The following ELP3 variants were observed in gnomAD, a reference collection of about 807,000 sequenced individuals.
ELP3 encodes elongator acetyltransferase complex subunit 3.
ELP3 carries 56 observed loss-of-function variants against 74.9 expected under a neutral mutation model. The ratio of observed to expected loss-of-function variants is 0.75; its 90% CI spans 0.60 to 0.93. The LOEUF is 0.93. Among genes scored for constraint, ELP3 ranks in the 40% least tolerant of loss-of-function variants. The pLI is 0.00. For synonymous variants in ELP3, 222 were observed against 239.8 expected (o/e 0.93, Z 0.68); for missense variants, 573 against 686.5 (o/e 0.83, Z 1.85).
At position 28,129,568 on chromosome 8, in the gene ELP3, GA is replaced by G. The variant is rs764649021; in HGVS notation, c.686del (p.Lys229SerfsTer4). On this transcript the variant is annotated frameshift_variant, in exon 8 of 15. Transcript: ENST00000256398. LOFTEE classifies it high-confidence loss of function. ...TIETRPDYCM[K>X]RHLSDMLTYG... is the part of the protein sequence containing the mutation. ...TTGAAACCAGACCAGATTACTGCATGAAGCGACATTTAAGTGACATGTTGAC... is the reference window on the plus strand; with the variant it reads ...TTGAAACCAGACCAGATTACTGCATGAGCGACATTTAAGTGACATGTTGAC... The G allele has an allele frequency of 9.3e-6, 15 of 1,614,194 alleles. No individual in the cohort carries two copies. The highest frequency in any genetic ancestry group is 1.2e-5 in the Non-Finnish European group (14 of 1,180,008).
At chr8:28,116,932 G>T (rs929781657) in intron 7 of ELP3, among the ~76,000 whole-genome samples, 1 of 152,284 alleles carries the variant, frequency 6.6e-6, no homozygotes, top group African/African-American at 2.4e-5. Flanking sequence ...GCCAGGCGAC[G>T]GGGATGGCAG....
intron 14 of ELP3, among the ~76,000 whole-genome samples, chr8:28,183,985 C>A (rs1443400195): frequency 2.6e-5 from 4 of 152,186 alleles, no homozygotes; most frequent in Non-Finnish European, 5.9e-5. Flanking sequence ...AGGATGATTG[C>A]TTTTTCTTGG....
chr8:28,188,838 T>C (rs1007128044), intron 14 of ELP3, among the ~76,000 whole-genome samples: 3 of 152,080 alleles, frequency 2.0e-5, no homozygotes. Flanking sequence ...TGGACAGCAG[T>C]TGTAGGCAAC....
In ELP3 at chr8:28,116,996, C is replaced by T. The variant is rs552137725; in HGVS notation, c.617+3823C>T. On this transcript the variant is annotated intron_variant, in intron 7 of 14. Transcript: ENST00000256398. ...CACAGTTCATTCAGCTCTGAAAATT[C>T]CCTGGCAGGGACATCTATGAAGATA... 1.1e-4 allele frequency among the ~76,000 whole-genome samples: 17 copies of T among 152,288 alleles called. No individual in the cohort carries two copies. The South Asian group carries it at 3.5e-3, about 32-fold the overall frequency.
chr8:28,185,510 G>A (rs1815201568), intron 14 of ELP3, among the ~76,000 whole-genome samples: 1 of 152,250 alleles, frequency 6.6e-6, no homozygotes, highest in African/African-American at 2.4e-5. Flanking sequence ...TAGGGAGGGA[G>A]ACAGACCTGC....
intron 14 of ELP3, among the ~76,000 whole-genome samples, chr8:28,168,752 A>G (rs1295943077): frequency 1.3e-5 from 2 of 152,228 alleles, no homozygotes; most frequent in Admixed American, 6.5e-5. Context: ...TGTAACTTGA[A>G]TATGAATAGT....
At chr8:28,100,448 A>G (rs1811432096) in intron 3 of ELP3, among the ~76,000 whole-genome samples, 1 of 152,244 alleles carries the variant, frequency 6.6e-6, no homozygotes, top group Non-Finnish European at 1.5e-5. Context: ...CAAGAAGAGC[A>G]GGCTCTAAGT....
chr8:28,097,487 CTG>C (rs1031183925), intron 2 of ELP3, among the ~76,000 whole-genome samples, 169 bp downstream of exon 2: 3 of 150,622 alleles, frequency 2.0e-5, no homozygotes, highest in Admixed American at 1.3e-4. Context: ...AGTTCCGCCT[CTG>C]GGGTTAACGC....
At chr8:28,138,858 A>G (rs767784670) in intron 10 of ELP3, among the ~76,000 whole-genome samples, 8 of 152,352 alleles carry the variant, frequency 5.3e-5, no homozygotes, top group Non-Finnish European at 1.0e-4. Context: ...TGAATTGCCT[A>G]TATGGTCTCT....
At chr8:28,109,562 C>T (rs551847185) in intron 5 of ELP3, among the ~76,000 whole-genome samples, 5 of 152,072 alleles carry the variant, frequency 3.3e-5, no homozygotes, top group South Asian at 4.1e-4. Flanking sequence ...AGAAGTGTTT[C>T]GGATTTTGGA....
intron 14 of ELP3, among the ~76,000 whole-genome samples, chr8:28,167,797 G>A (rs766021914): frequency 6.6e-6 from 1 of 152,030 alleles, no homozygotes; most frequent in East Asian, 1.9e-4. Flanking sequence ...TTCCATTTTG[G>A]TATTCTAATA....
intron 14 of ELP3, among the ~76,000 whole-genome samples, chr8:28,166,847 T>TCCTAG (rs1330134191): frequency 6.6e-6 from 1 of 152,238 alleles, no homozygotes; most frequent in Non-Finnish European, 1.5e-5. Context: ...AGGTATCAGA[T>TCCTAG]CCAATCGTGT....
intron 14 of ELP3, among the ~76,000 whole-genome samples, chr8:28,179,856 G>A (rs1444369379): frequency 6.6e-6 from 1 of 152,064 alleles, no homozygotes; most frequent in African/African-American, 2.4e-5. Flanking sequence ...TGTAAATGCT[G>A]TGTGGCCTGG....
intron 3 of ELP3, 138 bp downstream of exon 3, chr8:28,100,104 T>C (rs1166090520): frequency 4.7e-6 from 5 of 1,062,080 alleles, no homozygotes; most frequent in Non-Finnish European, 6.9e-6. Context: ...GGATATGTGC[T>C]GGAGTGGAGA....
intron 3 of ELP3, among the ~76,000 whole-genome samples, chr8:28,105,889 T>C (rs1811668379): frequency 6.6e-6 from 1 of 152,232 alleles, no homozygotes; most frequent in Admixed American, 6.5e-5. Context: ...ACTGAGGCTC[T>C]GTCAGACCCC....
intron 3 of ELP3, among the ~76,000 whole-genome samples, chr8:28,102,769 A>C (rs1465169884): frequency 6.6e-6 from 1 of 152,228 alleles, no homozygotes; most frequent in African/African-American, 2.4e-5. Flanking sequence ...AAGCCTGTAC[A>C]TACATTAGAA....
intron 14 of ELP3, among the ~76,000 whole-genome samples, chr8:28,165,219 ATCT>A (rs1214105382): frequency 4.6e-5 from 7 of 152,146 alleles, no homozygotes; most frequent in East Asian, 1.9e-4. Context: ...ACCCCTTAGT[ATCT>A]TCTTTAGTTC....
intron 14 of ELP3, among the ~76,000 whole-genome samples, chr8:28,179,512 A>AG (rs1456024485): frequency 6.6e-6 from 1 of 152,158 alleles, no homozygotes; most frequent in African/African-American, 2.4e-5. Flanking sequence ...ACAGATAGTA[A>AG]GGGGGTTGGG....
chr8:28,115,162 G>A (rs1214345910), intron 7 of ELP3, among the ~76,000 whole-genome samples: 5 of 152,148 alleles, frequency 3.3e-5, no homozygotes, highest in Admixed American at 2.6e-4. Context: ...TTTTGGATGT[G>A]TGAAGTCTGA....
Sources: gnomAD v4.1 joint callset for allele counts (sites outside exome capture counted in the v4.1 genomes callset) on GRCh38, gnomAD v4.1.1 for gene constraint, MANE v1.5 for transcripts, NCBI Gene and HGNC (gene_info 2026-07-23, HGNC 2026-07-21) for gene names.